Variants in TSPAN11 observed in about 807,000 individuals in gnomAD.
The protein encoded by TSPAN11 is tetraspanin 11.
A neutral mutation model predicts 32.9 loss-of-function variants in TSPAN11; 29 were observed. The ratio of observed to expected loss-of-function variants is 0.88; its 90% confidence interval spans 0.66 to 1.20. The LOEUF (loss-of-function observed/expected upper bound fraction) is 1.20, where lower values mean the gene tolerates loss of function less well. Among genes scored for constraint, TSPAN11 ranks in the 50% most tolerant of loss-of-function variants. The pLI is 0.00. For synonymous variants in TSPAN11, 140 were observed against 141.3 expected, an observed-to-expected ratio of 0.99 and a Z score of 0.07; for missense variants, 283 against 329.1, an observed-to-expected ratio of 0.86 and a Z score of 1.08.
intron 3 of TSPAN11, among the ~76,000 whole-genome samples, chr12:30,964,901 C>T (rs921617261): frequency 2.6e-4 from 40 of 152,124 alleles, no homozygotes; most frequent in African/African-American, 9.4e-4. Flanking sequence ...AAGTGAAGGC[C>T]CCCAGAGTTT....
chr12:30,983,501 G>A (rs930929183), intron 7 of TSPAN11, among the ~76,000 whole-genome samples: 1 of 152,156 alleles, frequency 6.6e-6, no homozygotes, highest in Non-Finnish European at 1.5e-5. Flanking sequence ...ATGCTTCTGG[G>A]TCCATGTGGT....
Position 30,975,025 on chromosome 12 carries a change from A to C in TSPAN11, c.277-3536A>C, listed in dbSNP as rs1364193199. 6.6e-6 allele frequency among the ~76,000 whole-genome samples: 1 copy of C among 152,230 alleles called. No individual in the cohort carries two copies. Among genetic ancestry groups the C allele is most frequent in the Non-Finnish European group, 1.5e-5 (1 of 68,038 alleles). ...AAGGACAGGTAGGCACCAGCATTCC[A>C]GGCAGGGGGACAGGCAGGGCAAAGG... On this transcript the variant is annotated intron_variant, in intron 3 of 7. Coordinates refer to ENST00000546076, the MANE Select transcript of TSPAN11 (RefSeq NM_001370302.1). This position sits in a 1 kb window ranked among gnomAD's most constrained non-coding sequence, Gnocchi z 4.5.
chr12:30,946,415 G>A (rs1476036662), intron 1 of TSPAN11, among the ~76,000 whole-genome samples: 2 of 152,208 alleles, frequency 1.3e-5, no homozygotes, highest in Non-Finnish European at 2.9e-5. Context: ...CGAGAAGACA[G>A]TAACATGCCT....
intron 1 of TSPAN11, among the ~76,000 whole-genome samples, chr12:30,948,332 G>T (rs528812414): frequency 1.3e-5 from 2 of 152,318 alleles, no homozygotes; most frequent in Admixed American, 1.3e-4. Context: ...TCTGTGTGGG[G>T]GCTCTAACCC....
downstream of TSPAN11, chr12:30,997,296 C>G (rs994596812): frequency 6.6e-6 from 1 of 152,196 alleles, no homozygotes; most frequent in African/African-American, 2.4e-5. Flanking sequence ...ATTTCATTCA[C>G]TGTTCTGTCT....
rs147404716 is a variant in TSPAN11 at position 30,982,618 on chromosome 12, C to A, written c.543C>A (p.Pro181=). 3 of 1,612,352 alleles carry A rather than the reference C, an allele frequency of 1.9e-6. No individual in the cohort carries two copies. The highest frequency in any genetic ancestry group is 2.5e-6 in the Non-Finnish European group (3 of 1,179,672). Residue 181 remains proline, a synonymous_variant, in exon 6 of 8, where the codon CCC becomes CCA. Transcript: ENST00000546076. ...LLREAEGRQV[P]DSCCKTVVVR... Reference sequence around the variant, plus strand: ...GGGAGGCCGAGGGCCGCCAGGTGCCCGACAGCTGCTGCAAGACAGTGGTGG... The same window carrying A: ...GGGAGGCCGAGGGCCGCCAGGTGCCAGACAGCTGCTGCAAGACAGTGGTGG...
rs537291035 is a variant in TSPAN11, at chr12:30,931,308, G to A, written c.-12+4512G>A. Among the ~76,000 whole-genome samples the A allele has an allele frequency of 2.0e-5, 3 of 152,250 alleles. No individual in the cohort carries two copies. The South Asian group carries it at 6.2e-4, about 32-fold the overall frequency. ...ACATATCAGTTGAGGTCACTTGCTAGCAGATTCTAGTGTGTTTAAAAAGCT... is the reference window on the plus strand; with the variant it reads ...ACATATCAGTTGAGGTCACTTGCTAACAGATTCTAGTGTGTTTAAAAAGCT... On this transcript the variant is annotated intron_variant, in intron 1 of 7. Transcript: ENST00000546076.
At chr12:30,930,497 TCCTGGCTCTGCC>T (rs1254813583) in intron 1 of TSPAN11, among the ~76,000 whole-genome samples, 1 of 152,152 alleles carries the variant, frequency 6.6e-6, no homozygotes, top group South Asian at 2.1e-4. Context: ...CAGGCACAGA[TCCTGGCTCTGCC>T]CCTTCCTCTC....
chr12:30,980,116 T>A (rs1939059516), intron 5 of TSPAN11, among the ~76,000 whole-genome samples: 1 of 152,178 alleles, frequency 6.6e-6, no homozygotes, highest in African/African-American at 2.4e-5. Flanking sequence ...AGCGGAGGTA[T>A]TTCAGTTAAG....
At chr12:30,987,549 G>A (rs534825415) in intron 7 of TSPAN11, among the ~76,000 whole-genome samples, 137 of 152,208 alleles carry the variant, frequency 9.0e-4, no homozygotes, top group Admixed American at 2.9e-3. Flanking sequence ...GGAGGTTGCA[G>A]TGAGCCTAGA....
chr12:30,938,359 A>G (rs1011544920), intron 1 of TSPAN11, among the ~76,000 whole-genome samples: 2 of 152,136 alleles, frequency 1.3e-5, no homozygotes, highest in East Asian at 1.9e-4. Flanking sequence ...CACCCACTAT[A>G]TACTGTGCTG....
At chr12:30,989,821 CAG>C (rs1939275170) in intron 7 of TSPAN11, among the ~76,000 whole-genome samples, 1 of 152,194 alleles carries the variant, frequency 6.6e-6, no homozygotes, top group Admixed American at 6.5e-5. Context: ...TCAGAAGCCT[CAG>C]AGGAAGCTGA....
chr12:30,931,879 CAA>C lies in TSPAN11; in HGVS notation c.-12+5102_-12+5103del, dbSNP rs58500177. On this transcript the variant is annotated intron_variant, in intron 1 of 7. Coordinates refer to ENST00000546076, the MANE Select transcript of TSPAN11 (RefSeq NM_001370302.1). The stretch of plus-strand genomic sequence containing the variant: ...TGGGCGACAGAGTGAGACGCTGTAT[CAA>C]AAAAAAAAAAAAAAAAAAGAGTCCT... Among the ~76,000 whole-genome samples, 37 of 60,876 alleles carry C rather than the reference CAA, an allele frequency of 6.1e-4. 1 individual carries two copies. The highest frequency in any genetic ancestry group is 1.8e-3 in the African/African-American group (29 of 15,984). The allele number at this position is 60,876 out of a possible 152,430, so 39.9% of individuals were successfully genotyped here.
chr12:30,931,823 T>C (rs1361706619), intron 1 of TSPAN11, among the ~76,000 whole-genome samples: 1 of 131,524 alleles, frequency 7.6e-6, no homozygotes, highest in East Asian at 2.3e-4. Context: ...GAGGTTGCAG[T>C]GAGCCGAGAT....
chr12:30,987,344 C>A lies in TSPAN11; in HGVS notation c.702+4194C>A, dbSNP rs147707662. On this transcript the variant is annotated intron_variant, in intron 7 of 7. Transcript: ENST00000546076. ...CACCTGACAAGCTTTAAAACTACCC[C>A]AGGCCTGTAATCCCAGCACTTTGGG... Among the ~76,000 whole-genome samples, 939 of 152,308 alleles carry A rather than the reference C, an allele frequency of 6.2e-3. 16 individuals carry two copies. The highest frequency in any genetic ancestry group is 0.021 in the African/African-American group (871 of 41,568).
At chr12:30,959,795 A>AAAC (rs1555197457) in intron 2 of TSPAN11, among the ~76,000 whole-genome samples, 2,399 of 143,232 alleles carry the variant, frequency 0.017, 45 homozygotes, top group Non-Finnish European at 0.028. Flanking sequence ...AAAAAAAAAA[A>AAAC]AAAACCGAGG....
intron 2 of TSPAN11, among the ~76,000 whole-genome samples, chr12:30,959,795 A>AAAAAAAAAC (rs1565794954): frequency 7.0e-6 from 1 of 143,210 alleles, no homozygotes; most frequent in Non-Finnish European, 1.5e-5. Context: ...AAAAAAAAAA[A>AAAAAAAAAC]AAAACCGAGG....
the TSPAN11 span, among the ~76,000 whole-genome samples, chr12:31,004,051 G>A: frequency 5.8e-4 from 89 of 152,284 alleles, no homozygotes; most frequent in Admixed American, 1.0e-3. Flanking sequence ...AAGAGACCTC[G>A]TCTGGCTGGG....
rs35074 is a variant in TSPAN11, at chr12:30,992,791, A to C, written c.*876A>C. On this transcript the variant is annotated 3_prime_UTR_variant, in exon 8 of 8. Coordinates refer to ENST00000546076, the MANE Select transcript of TSPAN11 (RefSeq NM_001370302.1). ...ATCTCCTGGAGTGGACCAACTCGCAACCCTGCAAAGTCGGAGCTGCTGAGA... is the reference window on the plus strand; with the variant it reads ...ATCTCCTGGAGTGGACCAACTCGCACCCCTGCAAAGTCGGAGCTGCTGAGA... The C allele has an allele frequency of 0.3, 45,179 of 152,040 alleles. 7,150 individuals are homozygous for C. Among genetic ancestry groups the C allele is most frequent in the East Asian group, 0.53 (2,745 of 5,144 alleles). The allele number at this position is 152,040 out of a possible 1,614,324, so 9.4% of individuals were successfully genotyped here.
Sources: gnomAD v4.1 joint callset for allele counts (sites outside exome capture counted in the v4.1 genomes callset) on GRCh38, gnomAD v4.1.1 for gene constraint, Gnocchi (gnomAD v3.1) non-coding constraint, MANE v1.5 for transcripts, NCBI Gene and HGNC (gene_info 2026-07-23, HGNC 2026-07-21) for gene names.